Variants in GNA12 observed in about 807,000 individuals in gnomAD.
The protein encoded by GNA12 is G protein subunit alpha 12.
A neutral mutation model predicts 26.0 loss-of-function variants in GNA12; 9 were observed. That is an observed-to-expected ratio of 0.35 (90% CI 0.21 to 0.60). The LOEUF is 0.60. GNA12 is among the 20% of genes least tolerant of loss of function. The probability of loss-of-function intolerance (pLI) is 0.78; values close to 1 mark genes in which losing one functional copy is unlikely to be tolerated. For missense variants in GNA12, 405 were observed against 525.8 expected (o/e 0.77, Z 2.25); for synonymous variants, 264 against 219.6 (o/e 1.20, Z -1.79).
In GNA12 at chr7:2,813,361, A is replaced by T. The variant is rs958767048; in HGVS notation, c.310-18218T>A. Among the ~76,000 whole-genome samples, 4 of 152,254 alleles carry T rather than the reference A, an allele frequency of 2.6e-5. 1 individual carries two copies. The highest frequency in any genetic ancestry group is 9.6e-5 in the African/African-American group (4 of 41,472). ...AAAAAATAGATGACTCCATGCCCAT[A>T]GTACCAATTTCACTGGTTATTAAGG... On this transcript the variant is annotated intron_variant, in intron 1 of 3. Coordinates refer to ENST00000275364, the MANE Select transcript of GNA12 (RefSeq NM_007353.3).
intron 1 of GNA12, among the ~76,000 whole-genome samples, chr7:2,829,370 G>C (rs1017298481): frequency 6.6e-6 from 1 of 152,220 alleles, no homozygotes; most frequent in Non-Finnish European, 1.5e-5. Flanking sequence ...GCCTGAAGGA[G>C]TCCAGTGTCT....
chr7:2,749,475 C>G (rs892164679), intron 2 of GNA12, among the ~76,000 whole-genome samples: 1 of 140,552 alleles, frequency 7.1e-6, no homozygotes, highest in East Asian at 2.1e-4. Context: ...AACACATGGA[C>G]ACGGGAAGGG....
rs754971607 is a variant in GNA12, at chr7:2,795,110, G to A, written c.343C>T (p.Leu115Phe). ...SRVLVDARDK[L>F]GIPWQYSENE... is the part of the protein sequence containing the mutation. ...TCAGAATACTGCCAAGGAATGCCAA[G>A]CTTATCTCGTGCATCAACAAGAACC... Residue 115 changes from leucine (L) to phenylalanine (F), a missense_variant, in exon 2 of 4, where the codon CTT (leucine) becomes TTT (phenylalanine). Physicochemically the swap from Leu to Phe is conservative, Grantham distance 22. Transcript: ENST00000275364. The A allele has an allele frequency of 3.1e-6, 5 of 1,613,408 alleles. No individual in the cohort carries two copies. The East Asian group carries it at 6.7e-5, about 22-fold the overall frequency.
intron 1 of GNA12, among the ~76,000 whole-genome samples, chr7:2,809,632 C>G (rs533396376): frequency 6.6e-6 from 1 of 152,028 alleles, no homozygotes; most frequent in African/African-American, 2.4e-5. Flanking sequence ...TTTGGGGTAG[C>G]CCTGCTCCCC....
At chr7:2,758,686 G>C (rs1791415481) in intron 2 of GNA12, among the ~76,000 whole-genome samples, 1 of 152,230 alleles carries the variant, frequency 6.6e-6, no homozygotes, top group South Asian at 2.1e-4. Context: ...TGCTAGAGAG[G>C]TTGGTGCCTG....
At chr7:2,812,275 T>C (rs1188071341) in intron 1 of GNA12, among the ~76,000 whole-genome samples, 2 of 152,256 alleles carry the variant, frequency 1.3e-5, no homozygotes, top group Non-Finnish European at 2.9e-5. Context: ...TGGCTTGCTT[T>C]TCCTTCTAAA....
At chr7:2,807,641 G>A (rs1358925310) in intron 1 of GNA12, among the ~76,000 whole-genome samples, 5 of 151,234 alleles carry the variant, frequency 3.3e-5, no homozygotes, top group Admixed American at 1.3e-4. Flanking sequence ...GTTCTCATCC[G>A]TTGCCTCTAA....
intron 1 of GNA12, among the ~76,000 whole-genome samples, chr7:2,837,190 C>G (rs1458449917): frequency 7.0e-6 from 1 of 143,144 alleles, no homozygotes; most frequent in African/African-American, 2.6e-5. Context: ...GCACCCCCAC[C>G]ACGAGGCAGA....
chr7:2,741,318 G>A (rs972917243), intron 2 of GNA12, among the ~76,000 whole-genome samples: 3 of 152,086 alleles, frequency 2.0e-5, no homozygotes, highest in African/African-American at 7.2e-5. Context: ...TTGCGCCACT[G>A]CACTCAGGCC....
intron 2 of GNA12, among the ~76,000 whole-genome samples, chr7:2,765,414 C>T (rs1162760445): frequency 1.3e-5 from 2 of 152,072 alleles, no homozygotes; most frequent in South Asian, 2.1e-4. Context: ...CCGCCTCGGC[C>T]TCCTAAAATG....
At chr7:2,777,643 G>A (rs982570583) in intron 2 of GNA12, among the ~76,000 whole-genome samples, 1 of 152,144 alleles carries the variant, frequency 6.6e-6, no homozygotes, top group Non-Finnish European at 1.5e-5. Flanking sequence ...GCAGGAAGGT[G>A]GCTGTCTGCA....
At chr7:2,835,689 A>G in intron 1 of GNA12, 2 of 1,066,486 alleles carry the variant, frequency 1.9e-6, no homozygotes, top group South Asian at 1.3e-5. Flanking sequence ...AACAAAAGAT[A>G]AACAAATTTG....
chr7:2,795,033 C>T lies in GNA12; in HGVS notation c.420G>A (p.Leu140=). The T allele has an allele frequency of 6.2e-7, 1 of 1,614,068 alleles. No homozygotes were observed. The highest frequency in any genetic ancestry group is 8.5e-7 in the Non-Finnish European group (1 of 1,179,900). Residue 140 remains leucine, a synonymous_variant, in exon 2 of 4, where the codon CTG becomes CTA. Coordinates refer to ENST00000275364, the MANE Select transcript of GNA12 (RefSeq NM_007353.3). ...GCTGGAAGGTGGCCGGCTCCACAGGCAGCCCCGCCTTGTTCTCGAAGGCCA... is the reference window on the plus strand; with the variant it reads ...GCTGGAAGGTGGCCGGCTCCACAGGTAGCCCCGCCTTGTTCTCGAAGGCCA... ...FLMAFENKAG[L]PVEPATFQLY...
chr7:2,733,763 T>C (rs1330350814), intron 2 of GNA12, among the ~76,000 whole-genome samples: 1 of 152,226 alleles, frequency 6.6e-6, no homozygotes, highest in Non-Finnish European at 1.5e-5. Context: ...GGTTTTGGTG[T>C]GTGGTGCGAT....
chr7:2,839,654 G>T (rs1159414841), intron 1 of GNA12, among the ~76,000 whole-genome samples: 3 of 152,292 alleles, frequency 2.0e-5, no homozygotes, highest in Admixed American at 2.0e-4. Context: ...AAAGTGCTGG[G>T]ATTACAGGCA....
At position 2,731,322 on chromosome 7, in the gene GNA12, G is replaced by A. The variant is rs532433262; in HGVS notation, c.1005C>T (p.Phe335=). The change falls in exon 4 of 4, where the codon TTC becomes TTT. Residue 335 remains phenylalanine (F), a synonymous_variant. Transcript: ENST00000275364. This position sits in a 1 kb window ranked among gnomAD's most constrained non-coding sequence, Gnocchi z 6.0. ...TGCTGCGGTTCCGTCTCTTCCTGTC[G>A]AAGCACTGGACCAGGTAGCGCTGGA... is the stretch of plus-strand genomic sequence containing the variant. ...EDVQRYLVQC[F]DRKRRNRSKP... is the part of the protein sequence containing the mutation. 2.0e-5 allele frequency: 32 copies of A among 1,613,946 alleles called. No individual in the cohort carries two copies. In the African/African-American group the frequency reaches 4.3e-4, roughly 22 times the overall value.
chr7:2,754,690 A>G (rs1371919505), intron 2 of GNA12, among the ~76,000 whole-genome samples: 1 of 152,180 alleles, frequency 6.6e-6, no homozygotes, highest in African/African-American at 2.4e-5. Context: ...CTGAGGCTGC[A>G]GTGAGCTATG....
At chr7:2,836,238 C>A (rs548252705) in intron 1 of GNA12, among the ~76,000 whole-genome samples, 1 of 152,288 alleles carries the variant, frequency 6.6e-6, no homozygotes, top group South Asian at 2.1e-4. Flanking sequence ...CAACTGTGAT[C>A]AAGATGGAAA....
At chr7:2,842,688 G>A (rs1480250812) in intron 1 of GNA12, among the ~76,000 whole-genome samples, 1 of 152,214 alleles carries the variant, frequency 6.6e-6, no homozygotes, top group Admixed American at 6.5e-5. Flanking sequence ...TGCATGTCGA[G>A]TCACACAAAA....
Sources: gnomAD v4.1 joint callset for allele counts (sites outside exome capture counted in the v4.1 genomes callset) on GRCh38, gnomAD v4.1.1 for gene constraint, Gnocchi (gnomAD v3.1) non-coding constraint, MANE v1.5 for transcripts, NCBI Gene and HGNC (gene_info 2026-07-23, HGNC 2026-07-21) for gene names.